Variants in NCEH1 observed in about 807,000 individuals in gnomAD.
NCEH1 encodes neutral cholesterol ester hydrolase 1, also known as 2-acetyl MAGE hydrolase.
A neutral mutation model predicts 25.4 loss-of-function variants in NCEH1; 9 were observed. That is an observed-to-expected ratio of 0.35 (90% CI 0.21 to 0.62). NCEH1 has a LOEUF of 0.62. NCEH1 is among the 20% of genes least tolerant of loss of function. The pLI is 0.72. For missense variants in NCEH1, 412 were observed against 501.1 expected (o/e 0.82, Z 1.70); for synonymous variants, 200 against 199.8 (o/e 1.00, Z -0.01).
At chr3:172,650,702 C>T (rs1717356190) in intron 1 of NCEH1, among the ~76,000 whole-genome samples, 2 of 148,398 alleles carry the variant, frequency 1.3e-5, no homozygotes, top group Admixed American at 1.3e-4. Context: ...ATCCCAGCTA[C>T]TCAGGAGGCT....
chr3:172,630,846 G>A lies in NCEH1; in HGVS notation c.*2629C>T, dbSNP rs1459219881. 2 of 151,980 alleles carry A rather than the reference G, an allele frequency of 1.3e-5. No homozygotes were observed. The highest frequency in any genetic ancestry group is 4.8e-5 in the African/African-American group (2 of 41,376). 9.4% of individuals were successfully genotyped at this position (151,980 alleles called of 1,614,324 possible). On this transcript the variant is annotated 3_prime_UTR_variant, in exon 5 of 5. Coordinates refer to ENST00000475381, the MANE Select transcript of NCEH1 (RefSeq NM_020792.6). ...GTCATGCATAAAATAGATCCACCAA[G>A]ATAATTATATAATAGTCTTAAATTC...
intron 1 of NCEH1, among the ~76,000 whole-genome samples, chr3:172,685,118 C>G (rs1424349706): frequency 6.6e-6 from 1 of 151,800 alleles, no homozygotes; most frequent in African/African-American, 2.4e-5. Flanking sequence ...ATGGTAAAAC[C>G]CCATCTCTAC....
At chr3:172,698,557 G>C (rs574846702) in intron 1 of NCEH1, among the ~76,000 whole-genome samples, 2 of 152,134 alleles carry the variant, frequency 1.3e-5, no homozygotes, top group Non-Finnish European at 2.9e-5. Flanking sequence ...CTCTGAAAAG[G>C]GTCTCTCAAT....
intron 1 of NCEH1, among the ~76,000 whole-genome samples, chr3:172,683,394 C>T (rs1712508633): frequency 2.3e-5 from 1 of 42,646 alleles, no homozygotes; most frequent in South Asian, 9.7e-4. Context: ...CAGAGCGAGA[C>T]TCCGTCTCAA....
chr3:172,658,839 AC>A (rs1231162996), intron 1 of NCEH1, among the ~76,000 whole-genome samples: 6 of 127,048 alleles, frequency 4.7e-5, no homozygotes, highest in Non-Finnish European at 6.5e-5. Context: ...CAATTCCAAA[AC>A]TTTTTTTTTT....
At chr3:172,636,169 T>C (rs1716590739) in intron 3 of NCEH1, 82 bp from the exon 4 acceptor site, 1 of 836,274 alleles carries the variant, frequency 1.2e-6, no homozygotes, top group Non-Finnish European at 1.9e-6. Context: ...ACTGGTTCTT[T>C]TAAATCTGGA....
chr3:172,673,417 C>T (rs567172256), intron 1 of NCEH1, among the ~76,000 whole-genome samples: 14 of 152,332 alleles, frequency 9.2e-5, no homozygotes, highest in African/African-American at 3.1e-4. Context: ...CAAACACAAG[C>T]GCTCAATTGG....
chr3:172,702,796 C>T (rs1713768824), intron 1 of NCEH1, among the ~76,000 whole-genome samples: 1 of 151,924 alleles, frequency 6.6e-6, no homozygotes, highest in Non-Finnish European at 1.5e-5. Context: ...CCAGCCTGGG[C>T]AACATAGCAA....
chr3:172,696,965 G>A (rs1047001839), intron 1 of NCEH1, among the ~76,000 whole-genome samples: 8 of 151,976 alleles, frequency 5.3e-5, no homozygotes, highest in African/African-American at 7.3e-5. Context: ...TCACTCTGTC[G>A]TCCAGGCTGG....
intron 1 of NCEH1, among the ~76,000 whole-genome samples, chr3:172,667,062 T>G (rs1365163781): frequency 2.0e-5 from 3 of 152,204 alleles, no homozygotes; most frequent in Non-Finnish European, 4.4e-5. Context: ...GGTCCTTTGC[T>G]GTACACTGCA....
At chr3:172,656,843 C>T (rs1717720777) in intron 1 of NCEH1, among the ~76,000 whole-genome samples, 1 of 152,130 alleles carries the variant, frequency 6.6e-6, no homozygotes, top group Non-Finnish European at 1.5e-5. Flanking sequence ...CCCCATATGT[C>T]TGATGAAACT....
intron 1 of NCEH1, among the ~76,000 whole-genome samples, chr3:172,674,443 CAAAAAAAAA>C (rs146923940): frequency 7.0e-5 from 5 of 71,048 alleles, no homozygotes; most frequent in East Asian, 3.7e-4. Context: ...ACTCTGTCTC[CAAAAAAAAA>C]AAAAAAAAAA....
intron 1 of NCEH1, among the ~76,000 whole-genome samples, chr3:172,705,880 C>T (rs1348464832): frequency 1.3e-5 from 2 of 151,988 alleles, no homozygotes; most frequent in African/African-American, 4.8e-5. Context: ...CACCTGTAAT[C>T]CCAGCTACTC....
chr3:172,672,704 AAGAG>A (rs1303893660), intron 1 of NCEH1, among the ~76,000 whole-genome samples: 1 of 152,330 alleles, frequency 6.6e-6, no homozygotes, highest in African/African-American at 2.4e-5. Flanking sequence ...GCCCAAAAGA[AAGAG>A]AGAAAGCTCA....
At chr3:172,697,583 T>A (rs535148612) in intron 1 of NCEH1, among the ~76,000 whole-genome samples, 2 of 152,216 alleles carry the variant, frequency 1.3e-5, no homozygotes, top group Non-Finnish European at 2.9e-5. Flanking sequence ...GGACTAAAAT[T>A]TGTAAATACA....
In NCEH1 at chr3:172,690,125, A is replaced by G. The variant is rs1332337410; in HGVS notation, c.138+20722T>C. ...TCACCATGTTAGCCAGGATGGTCTC[A>G]ATCTCCTCACCTCGTGATCCACCCG... is the stretch of plus-strand genomic sequence containing the variant. On this transcript the variant is annotated intron_variant, in intron 1 of 4. Transcript: ENST00000475381. 2.0e-5 allele frequency among the ~76,000 whole-genome samples: 3 copies of G among 151,968 alleles called. No individual in the cohort carries two copies. In the East Asian group the frequency reaches 5.8e-4, roughly 30 times the overall value.
At chr3:172,702,117 A>G (rs1713728963) in intron 1 of NCEH1, among the ~76,000 whole-genome samples, 1 of 152,210 alleles carries the variant, frequency 6.6e-6, no homozygotes, top group East Asian at 1.9e-4. Flanking sequence ...GGAGTAACAC[A>G]GGCTGGAATC....
chr3:172,703,527 CAA>C (rs11462899), intron 1 of NCEH1, among the ~76,000 whole-genome samples: 5 of 80,602 alleles, frequency 6.2e-5, no homozygotes, highest in African/African-American at 9.4e-5. Flanking sequence ...GACTCTGTCT[CAA>C]AAAAAAAAAA....
chr3:172,688,330 CAAAAAA>C (rs11376665), intron 1 of NCEH1, among the ~76,000 whole-genome samples: 5 of 66,238 alleles, frequency 7.5e-5, no homozygotes, highest in East Asian at 5.6e-4. Context: ...AACTCCACCT[CAAAAAA>C]AAAAAAAAAA....
Sources: gnomAD v4.1 joint callset for allele counts (sites outside exome capture counted in the v4.1 genomes callset) on GRCh38, gnomAD v4.1.1 for gene constraint, MANE v1.5 for transcripts, NCBI Gene and HGNC (gene_info 2026-07-23, HGNC 2026-07-21) for gene names.